Variants in TRDN observed in about 807,000 individuals in gnomAD.
TRDN encodes the protein triadin.
In TRDN, 161 loss-of-function variants were observed where a neutral mutation model predicts 149.7. That is an observed-to-expected ratio of 1.08 (90% CI 0.95 to 1.23). TRDN has a LOEUF of 1.23. Among genes scored for constraint, TRDN ranks in the 50% most tolerant of loss-of-function variants. The pLI, the probability that TRDN is intolerant of heterozygous loss-of-function variation, is 0.00. For missense variants in TRDN, 896 were observed against 823.5 expected (o/e 1.09, Z -1.08); for synonymous variants, 294 against 250.5 (o/e 1.17, Z -1.64).
At chr6:123,314,921 A>G (rs59529265) in intron 24 of TRDN, among the ~76,000 whole-genome samples, 27,328 of 151,798 alleles carry the variant, frequency 0.18, 3,308 homozygotes, top group East Asian at 0.6. Flanking sequence ...GCGATGAAAT[A>G]ATTGGTACAA....
At chr6:123,342,003 T>C (rs1392778625) in intron 21 of TRDN, among the ~76,000 whole-genome samples, 1 of 151,910 alleles carries the variant, frequency 6.6e-6, no homozygotes, top group East Asian at 1.9e-4. Flanking sequence ...CTAAATAACC[T>C]TTTCCTTTGA....
chr6:123,310,740 C>T (rs990720439), intron 24 of TRDN, among the ~76,000 whole-genome samples: 2 of 151,864 alleles, frequency 1.3e-5, no homozygotes, highest in African/African-American at 4.8e-5. Flanking sequence ...AGTTCTCAGA[C>T]ACCATTAAGA....
At chr6:123,482,485 T>C (rs952960193) in intron 9 of TRDN, among the ~76,000 whole-genome samples, 3 of 152,222 alleles carry the variant, frequency 2.0e-5, no homozygotes, top group African/African-American at 7.2e-5. Flanking sequence ...ATTGATACTA[T>C]GTTGTCATTT....
chr6:123,444,762 C>T lies in TRDN; in HGVS notation c.932-5759G>A, dbSNP rs575218612. Among the ~76,000 whole-genome samples the T allele has an allele frequency of 3.9e-5, 6 of 152,244 alleles. No homozygotes were observed. In the South Asian group the frequency reaches 1.2e-3, roughly 32 times the overall value. On this transcript the variant is annotated intron_variant, in intron 10 of 40. Coordinates refer to ENST00000334268, the MANE Select transcript of TRDN (RefSeq NM_006073.4). ...TTGAATTTGTCAAAGGCCTTTTCTG[C>T]ATCTATTGAGATAATTATGTGGTTT...
intron 5 of TRDN, among the ~76,000 whole-genome samples, chr6:123,519,139 A>G (rs371899311): frequency 3.3e-5 from 5 of 152,248 alleles, no homozygotes; most frequent in African/African-American, 1.2e-4. Flanking sequence ...GCTAGAGTTT[A>G]ATTTGTTTGT....
intron 5 of TRDN, among the ~76,000 whole-genome samples, chr6:123,522,883 T>C (rs965661965): frequency 6.6e-6 from 1 of 152,162 alleles, no homozygotes; most frequent in Non-Finnish European, 1.5e-5. Flanking sequence ...AGCATACAAA[T>C]TCAGAGCTGG....
intron 10 of TRDN, among the ~76,000 whole-genome samples, chr6:123,445,366 A>G (rs1371844873): frequency 7.2e-6 from 1 of 139,406 alleles, no homozygotes; most frequent in African/African-American, 2.9e-5. Context: ...CAATGGCAAC[A>G]AAAGACAAAA....
intron 14 of TRDN, among the ~76,000 whole-genome samples, chr6:123,384,231 C>T (rs1164075216): frequency 1.3e-5 from 2 of 152,062 alleles, no homozygotes; most frequent in African/African-American, 4.8e-5. Flanking sequence ...CTACTTGAAA[C>T]ATAAGAATCT....
At chr6:123,561,200 G>A (rs1372915287) in intron 2 of TRDN, among the ~76,000 whole-genome samples, 2 of 152,104 alleles carry the variant, frequency 1.3e-5, no homozygotes, top group Non-Finnish European at 2.9e-5. Flanking sequence ...GTCCGATAGT[G>A]GACTGGTCTT....
chr6:123,372,899 AT>A (rs1781373168), intron 19 of TRDN, among the ~76,000 whole-genome samples: 1 of 151,954 alleles, frequency 6.6e-6, no homozygotes. Flanking sequence ...GTGTTGAGGT[AT>A]TTTTGCTCAC....
chr6:123,575,798 C>T (rs1273396370), intron 1 of TRDN, among the ~76,000 whole-genome samples: 2 of 152,070 alleles, frequency 1.3e-5, no homozygotes, highest in South Asian at 2.1e-4. Context: ...TGATAGAAGT[C>T]ACTTAACCTC....
chr6:123,317,063 G>C (rs1582863324), intron 23 of TRDN, among the ~76,000 whole-genome samples: 1 of 151,518 alleles, frequency 6.6e-6, no homozygotes, highest in African/African-American at 2.4e-5. Flanking sequence ...TATTGTCCTA[G>C]GACAATGTCT....
chr6:123,223,576 T>C (rs1292490842), intron 39 of TRDN, among the ~76,000 whole-genome samples: 1 of 151,810 alleles, frequency 6.6e-6, no homozygotes, highest in African/African-American at 2.4e-5. Flanking sequence ...GGAAATACTT[T>C]ATGAAGTTCG....
At chr6:123,479,544 A>G (rs1301237912) in intron 9 of TRDN, among the ~76,000 whole-genome samples, 1 of 152,206 alleles carries the variant, frequency 6.6e-6, no homozygotes, top group Non-Finnish European at 1.5e-5. Flanking sequence ...TTTTAGCGCC[A>G]GCAGAGTTCA....
At chr6:123,374,580 A>T (rs780380536) in intron 19 of TRDN, among the ~76,000 whole-genome samples, 32 of 151,976 alleles carry the variant, frequency 2.1e-4, no homozygotes, top group Admixed American at 1.0e-3. Context: ...AACTTTTTTT[A>T]AAAAAAGACA....
At chr6:123,321,087 G>T (rs1309200599) in intron 23 of TRDN, among the ~76,000 whole-genome samples, 2 of 152,072 alleles carry the variant, frequency 1.3e-5, no homozygotes, top group African/African-American at 2.4e-5. Flanking sequence ...GTATGAGGGG[G>T]TCTGGAAAAC....
At position 123,476,837 on chromosome 6, in the gene TRDN, T is replaced by G. The variant is rs1040180727; in HGVS notation, c.854-11854A>C. The stretch of plus-strand genomic sequence containing the variant: ...GGATTCCCTATTTAATAAATGGTGC[T>G]GGGAAAACTGGCTAGCCATATGTAG... On this transcript the variant is annotated intron_variant, in intron 9 of 40. Transcript: ENST00000334268. 1.7e-3 allele frequency among the ~76,000 whole-genome samples: 261 copies of G among 151,842 alleles called. 1 individual carries two copies. The highest frequency in any genetic ancestry group is 1.8e-3 in the Non-Finnish European group (123 of 67,922).
chr6:123,267,907 A>T (rs1476791472), intron 31 of TRDN, among the ~76,000 whole-genome samples, 156 bp from the exon 32 acceptor site: 3 of 152,074 alleles, frequency 2.0e-5, no homozygotes, highest in Non-Finnish European at 2.9e-5. Context: ...TGCCATAAAA[A>T]AATTATAAAC....
chr6:123,366,662 C>T (rs1206346288), intron 19 of TRDN, among the ~76,000 whole-genome samples: 7 of 152,022 alleles, frequency 4.6e-5, no homozygotes, highest in East Asian at 1.9e-4. Flanking sequence ...GGACTACAAC[C>T]GCCCGCCACC....
Sources: gnomAD v4.1 joint callset for allele counts (sites outside exome capture counted in the v4.1 genomes callset) on GRCh38, gnomAD v4.1.1 for gene constraint, MANE v1.5 for transcripts, NCBI Gene and HGNC (gene_info 2026-07-23, HGNC 2026-07-21) for gene names.